Variants in ARL13B observed in about 807,000 individuals in gnomAD.
ARL13B encodes the protein ARF like GTPase 13B.
ARL13B carries 36 observed loss-of-function variants against 56.1 expected under a neutral mutation model. The ratio of observed to expected loss-of-function variants is 0.64; its 90% CI spans 0.49 to 0.85. The LOEUF is 0.85. ARL13B is among the 40% of genes least tolerant of loss of function. The pLI is 0.00. For missense variants in ARL13B, 519 were observed against 507.1 expected, an observed-to-expected ratio of 1.02 and a Z score of -0.23; for synonymous variants, 178 against 171.1, an observed-to-expected ratio of 1.04 and a Z score of -0.32.
intron 2 of ARL13B, among the ~76,000 whole-genome samples, chr3:94,002,050 T>A (rs2076064376): frequency 6.6e-6 from 1 of 152,176 alleles, no homozygotes; most frequent in African/African-American, 2.4e-5. Context: ...AAGAGATTGG[T>A]GTGTTGCAAG....
chr3:94,046,141 C>T (rs2076980377), intron 7 of ARL13B, among the ~76,000 whole-genome samples: 1 of 151,672 alleles, frequency 6.6e-6, no homozygotes, highest in South Asian at 2.1e-4. Context: ...CAACAAACTG[C>T]ACATATTTAT....
chr3:94,054,451 AATAG>A lies in ARL13B; in HGVS notation c.*1191_*1194del, dbSNP rs1296348949. The A allele has an allele frequency of 8.4e-5, 30 of 358,354 alleles. No individual in the cohort carries two copies. The highest frequency in any genetic ancestry group is 8.7e-5 in the Non-Finnish European group (16 of 184,874). 22.2% of individuals were successfully genotyped at this position (358,354 alleles called of 1,614,324 possible). A position where few individuals can be genotyped will look rare whatever the true frequency, so the allele number is the denominator to read the frequency against. Reference sequence around the variant, plus strand: ...TAACTTCTAGATGTATATTTTTAATAATAGATTCATAATGTTACATTTAATTGAA... The same window carrying A: ...TAACTTCTAGATGTATATTTTTAATAATTCATAATGTTACATTTAATTGAA... On this transcript the variant is annotated 3_prime_UTR_variant, in exon 10 of 10. Transcript: ENST00000394222.
intron 3 of ARL13B, among the ~76,000 whole-genome samples, chr3:94,010,393 A>G (rs1233228469): frequency 2.0e-5 from 3 of 152,118 alleles, no homozygotes; most frequent in East Asian, 3.8e-4. Context: ...AAAGTATTTC[A>G]TCTTACGAAT....
At position 93,980,467 on chromosome 3, in the gene ARL13B, G is replaced by A. The variant is rs1386711881; in HGVS notation, c.44G>A (p.Trp15Ter). 1.2e-6 allele frequency: 2 copies of A among 1,611,848 alleles called. No individual in the cohort carries two copies. The highest frequency in any genetic ancestry group is 1.7e-5 in the Admixed American group (1 of 60,036). ...MASCCGWFKR[W>*]REPVRKVTLL... ...AGTTGCTGCGGCTGGTTCAAGCGGT[G>A]GCGGGAGCCTGTCAGGTAGGCTGGA... Residue 15 changes from tryptophan to a stop codon, truncating the protein, a stop_gained, in exon 1 of 10, where the codon TGG becomes TAG. Coordinates refer to ENST00000394222, the MANE Select transcript of ARL13B (RefSeq NM_001174150.2). LOFTEE classifies it high-confidence loss of function.
intron 7 of ARL13B, among the ~76,000 whole-genome samples, chr3:94,044,337 C>T (rs140813337): frequency 0.095 from 11,670 of 122,478 alleles, 568 homozygotes; most frequent in Middle Eastern, 0.27. Flanking sequence ...CGCCTCTGCC[C>T]GGCCGCCACC....
chr3:94,040,129 G>T, intron 6 of ARL13B, 141 bp downstream of exon 6: 1 of 743,228 alleles, frequency 1.3e-6, no homozygotes, highest in Non-Finnish European at 2.2e-6. Flanking sequence ...TTAAACATGA[G>T]AGACTGATTA....
rs756474799 is a variant in ARL13B at position 93,980,214 on chromosome 3, T to C, written c.-210T>C. On this transcript the variant is annotated 5_prime_UTR_variant, in exon 1 of 10. Coordinates refer to ENST00000394222, the MANE Select transcript of ARL13B (RefSeq NM_001174150.2). ...CGGTGTATCTGCGTCTTTGGTCAGG[T>C]TGTTCCTTGGCTAAGAGGGCAGTCG... 2 of 709,846 alleles carry C rather than the reference T, an allele frequency of 2.8e-6. No homozygotes were observed. The highest frequency in any genetic ancestry group is 5.1e-6 in the Non-Finnish European group (2 of 394,596). The allele number at this position is 709,846 out of a possible 1,614,324, so 44.0% of individuals were successfully genotyped here. A position where few individuals can be genotyped will look rare whatever the true frequency, so the allele number is the denominator to read the frequency against.
chr3:94,004,267 C>A (rs2076098203), intron 3 of ARL13B, among the ~76,000 whole-genome samples: 1 of 151,348 alleles, frequency 6.6e-6, no homozygotes, highest in Admixed American at 6.6e-5. Flanking sequence ...TGCTTTTGTC[C>A]TTTTTTCCTT....
At chr3:94,038,515 CTTTTTTT>C (rs761909057) in intron 5 of ARL13B, among the ~76,000 whole-genome samples, 3 of 54,456 alleles carry the variant, frequency 5.5e-5, no homozygotes, top group East Asian at 5.5e-4. Context: ...TCTGGCTGCT[CTTTTTTT>C]TTTTTTTTTT....
chr3:94,040,478 A>T (rs1458738683), intron 6 of ARL13B, among the ~76,000 whole-genome samples: 1 of 152,148 alleles, frequency 6.6e-6, no homozygotes, highest in East Asian at 1.9e-4. Flanking sequence ...TTTCCATTTT[A>T]AATCAGAAAT....
At chr3:93,983,768 G>T (rs1375223586) in intron 1 of ARL13B, among the ~76,000 whole-genome samples, 1 of 152,042 alleles carries the variant, frequency 6.6e-6, no homozygotes, top group African/African-American at 2.4e-5. Flanking sequence ...ATTGGGGCAG[G>T]TGTGTTTTCT....
chr3:94,019,856 C>T (rs1345654297), intron 3 of ARL13B, among the ~76,000 whole-genome samples: 1 of 152,124 alleles, frequency 6.6e-6, no homozygotes, highest in Admixed American at 6.5e-5. Context: ...TGGCACTTGC[C>T]TTCTCTTCTA....
chr3:94,045,609 C>A (rs1169283848), intron 7 of ARL13B, among the ~76,000 whole-genome samples: 3 of 151,496 alleles, frequency 2.0e-5, no homozygotes, highest in African/African-American at 7.3e-5. Flanking sequence ...ACTGGAATAC[C>A]CAAAACAATT....
At chr3:94,033,864 AG>A (rs1167270211) in intron 3 of ARL13B, among the ~76,000 whole-genome samples, 2 of 152,204 alleles carry the variant, frequency 1.3e-5, no homozygotes, top group African/African-American at 4.8e-5. Context: ...AATATAGGAT[AG>A]GTATGTTAAA....
At position 94,054,720 on chromosome 3, in the gene ARL13B, C is replaced by G. The variant is rs949893353; in HGVS notation, c.*1457C>G. ...CTTTAATAATCAGGTCACCTGTACTCTAGTCAGCACTGTATATATTCTTGG... is the reference window on the plus strand; with the variant it reads ...CTTTAATAATCAGGTCACCTGTACTGTAGTCAGCACTGTATATATTCTTGG... On this transcript the variant is annotated 3_prime_UTR_variant, in exon 10 of 10. Transcript: ENST00000394222. The G allele has an allele frequency of 2.4e-5, 10 of 408,510 alleles. No individual in the cohort carries two copies. Among genetic ancestry groups the G allele is most frequent in the Admixed American group, 1.1e-4 (4 of 35,960 alleles). 25.3% of individuals were successfully genotyped at this position (408,510 alleles called of 1,614,324 possible). A position where few individuals can be genotyped will look rare whatever the true frequency, so the allele number is the denominator to read the frequency against.
At chr3:94,021,006 C>T (rs2076436182) in intron 3 of ARL13B, among the ~76,000 whole-genome samples, 2 of 151,956 alleles carry the variant, frequency 1.3e-5, no homozygotes, top group South Asian at 4.2e-4. Context: ...CAGAGTAGAG[C>T]TAACCAAAGC....
rs573802160 is a variant in ARL13B, at chr3:94,044,819, G to A, written c.1024+1579G>A. Among the ~76,000 whole-genome samples, 177 of 133,670 alleles carry A rather than the reference G, an allele frequency of 1.3e-3. 1 individual carries two copies. The highest frequency in any genetic ancestry group is 4.6e-3 in the African/African-American group (165 of 35,538). 87.7% of individuals were successfully genotyped at this position (133,670 alleles called of 152,430 possible). A position where few individuals can be genotyped will look rare whatever the true frequency, so the allele number is the denominator to read the frequency against. ...GCCCGGCCGCGCCGTCTGGGAAGTGGGGAGCGCCTCTGCCCGGCCGCCCCG... is the reference window on the plus strand; with the variant it reads ...GCCCGGCCGCGCCGTCTGGGAAGTGAGGAGCGCCTCTGCCCGGCCGCCCCG... On this transcript the variant is annotated intron_variant, in intron 7 of 9. Transcript: ENST00000394222.
intron 2 of ARL13B, among the ~76,000 whole-genome samples, chr3:93,996,157 G>T (rs1459521204): frequency 6.6e-6 from 1 of 152,176 alleles, no homozygotes; most frequent in Non-Finnish European, 1.5e-5. Flanking sequence ...ATGCAGAGAT[G>T]CAGAGGCTCC....
At chr3:93,982,234 G>C (rs1172393830) in intron 1 of ARL13B, among the ~76,000 whole-genome samples, 2 of 152,188 alleles carry the variant, frequency 1.3e-5, no homozygotes, top group African/African-American at 2.4e-5. Flanking sequence ...AGAATGTATT[G>C]ATTTCCAAGT....
Sources: gnomAD v4.1 joint callset for allele counts (sites outside exome capture counted in the v4.1 genomes callset) on GRCh38, gnomAD v4.1.1 for gene constraint, MANE v1.5 for transcripts, NCBI Gene and HGNC (gene_info 2026-07-23, HGNC 2026-07-21) for gene names.